Variants in ROCK2 observed in about 807,000 individuals in gnomAD.
ROCK2 encodes rho-associated protein kinase 2.
A neutral mutation model predicts 195.1 loss-of-function variants in ROCK2; 61 were observed. The observed-to-expected ratio is 0.31, with a 90% CI of 0.25 to 0.39. The LOEUF (loss-of-function observed/expected upper bound fraction) is 0.39. ROCK2 is among the 10% of genes least tolerant of loss of function. The probability of loss-of-function intolerance (pLI) is 1.00; values close to 1 mark genes in which losing one functional copy is unlikely to be tolerated. For synonymous variants in ROCK2, 504 were observed against 545.5 expected, an observed-to-expected ratio of 0.92 and a Z score of 1.06; for missense variants, 1,109 against 1,637.4, an observed-to-expected ratio of 0.68 and a Z score of 5.57.
At chr2:11,281,286 C>T (rs1282575017) in intron 3 of ROCK2, among the ~76,000 whole-genome samples, 1 of 148,840 alleles carries the variant, frequency 6.7e-6, no homozygotes, top group East Asian at 2.0e-4. Context: ...AAAAAATCCA[C>T]AGCTCACTTC....
At chr2:11,208,577 C>A in intron 18 of ROCK2, 130 bp from the exon 19 acceptor site, 4 of 429,058 alleles carry the variant, frequency 9.3e-6, no homozygotes, top group Non-Finnish European at 1.6e-5. Flanking sequence ...GCCTTATATT[C>A]TATTAATTTT....
intron 3 of ROCK2, among the ~76,000 whole-genome samples, chr2:11,265,711 T>C (rs963998771): frequency 1.3e-5 from 2 of 152,202 alleles, no homozygotes; most frequent in Non-Finnish European, 2.9e-5. Flanking sequence ...TGCATTCATA[T>C]ATTAAATTCC....
intron 4 of ROCK2, among the ~76,000 whole-genome samples, chr2:11,242,131 T>TG (rs921292913): frequency 2.9e-4 from 44 of 152,280 alleles, no homozygotes; most frequent in Admixed American, 5.2e-4. Flanking sequence ...AAATTTCTGT[T>TG]GTTTATAAGC....
At position 11,192,572 on chromosome 2, in the gene ROCK2, A is replaced by T. The variant is rs1183287606; in HGVS notation, c.3828T>A (p.Ala1276=). 8.1e-6 allele frequency: 13 copies of T among 1,613,996 alleles called. No individual in the cohort carries two copies. Among genetic ancestry groups the T allele is most frequent in the Non-Finnish European group, 1.1e-5 (13 of 1,180,010 alleles). Residue 1276 remains alanine, a synonymous_variant, in exon 31 of 33, where the codon GCT becomes GCA. Coordinates refer to ENST00000315872, the MANE Select transcript of ROCK2 (RefSeq NM_004850.5). This position sits in a 1 kb window ranked among gnomAD's most constrained non-coding sequence, Gnocchi z 5.0. ...ACATGTGCCACAGGGGCTTCATACA[A>T]GCCTCACAGTTGGTTGGGAAATGAT... is the stretch of plus-strand genomic sequence containing the variant. ...TLYHFPTNCE[A]CMKPLWHMFK... is the part of the protein sequence containing the mutation.
intron 28 of ROCK2, among the ~76,000 whole-genome samples, chr2:11,194,562 A>C (rs921430781): frequency 3.9e-5 from 6 of 152,052 alleles, no homozygotes; most frequent in Non-Finnish European, 7.4e-5. Context: ...GGGGAGAAGT[A>C]AAGTCAAATT....
At chr2:11,326,828 A>G (rs1355155835) in intron 1 of ROCK2, among the ~76,000 whole-genome samples, 1 of 152,208 alleles carries the variant, frequency 6.6e-6, no homozygotes, top group East Asian at 1.9e-4. Flanking sequence ...AACAAATGCT[A>G]CGGAGGAGAT....
intron 4 of ROCK2, among the ~76,000 whole-genome samples, chr2:11,238,245 T>TGTGTG (rs11377542): frequency 1.8e-4 from 7 of 38,434 alleles, no homozygotes; most frequent in African/African-American, 3.6e-4. Flanking sequence ...TGTGTGTCTG[T>TGTGTG]TGTGTGTGTC....
intron 4 of ROCK2, among the ~76,000 whole-genome samples, chr2:11,242,763 T>C (rs914390193): frequency 2.6e-5 from 4 of 152,212 alleles, no homozygotes; most frequent in African/African-American, 9.6e-5. Flanking sequence ...CATTTTGTTA[T>C]CATGCCATGT....
chr2:11,227,437 G>A, intron 5 of ROCK2, 39 bp from the exon 6 acceptor site: 1 of 1,570,960 alleles, frequency 6.4e-7, no homozygotes, highest in East Asian at 2.3e-5. Flanking sequence ...ACAGTTCAGT[G>A]TAAAAACACA....
chr2:11,253,249 G>A (rs1025294864), intron 3 of ROCK2, among the ~76,000 whole-genome samples: 7 of 152,058 alleles, frequency 4.6e-5, no homozygotes, highest in Non-Finnish European at 1.0e-4. Context: ...CCACCTTCCC[G>A]ACTTAAATCT....
chr2:11,323,012 A>T (rs1164326376), intron 1 of ROCK2, among the ~76,000 whole-genome samples: 1 of 152,026 alleles, frequency 6.6e-6, no homozygotes, highest in Non-Finnish European at 1.5e-5. Context: ...AGTGAAGAAG[A>T]TTAACCTGAA....
chr2:11,276,036 G>A (rs1284492830), intron 3 of ROCK2, among the ~76,000 whole-genome samples: 1 of 151,984 alleles, frequency 6.6e-6, no homozygotes, highest in Non-Finnish European at 1.5e-5. Flanking sequence ...AGAAAACACT[G>A]AACAAACCAG....
intron 3 of ROCK2, among the ~76,000 whole-genome samples, chr2:11,268,466 CTGTGTGTGTGTGTTTTTTTCCT>C (rs1666497696): frequency 8.7e-6 from 1 of 114,334 alleles, no homozygotes; most frequent in African/African-American, 2.7e-5. Flanking sequence ...AACAGTTTTA[CTGTGTGTGTGTGTTTTTTTCCT>C]TGTGTGTGTG....
chr2:11,322,479 T>C (rs1035957197), intron 1 of ROCK2, among the ~76,000 whole-genome samples: 2 of 151,846 alleles, frequency 1.3e-5, no homozygotes, highest in African/African-American at 4.8e-5. Context: ...GTCGCATTCA[T>C]GTCATGAATG....
chr2:11,181,483 C>A lies in ROCK2; in HGVS notation c.*1954G>T, dbSNP rs1220121901. 3 of 151,900 alleles carry A rather than the reference C, an allele frequency of 2.0e-5. No individual in the cohort carries two copies. Among genetic ancestry groups the A allele is most frequent in the African/African-American group, 7.3e-5 (3 of 41,372 alleles). 9.4% of individuals were successfully genotyped at this position (151,900 alleles called of 1,614,324 possible). A position where few individuals can be genotyped will look rare whatever the true frequency, so the allele number is the denominator to read the frequency against. On this transcript the variant is annotated 3_prime_UTR_variant, in exon 33 of 33. Coordinates refer to ENST00000315872, the MANE Select transcript of ROCK2 (RefSeq NM_004850.5). ...CTGGAGAACGTTAAGAATAACAAAACCAGTTTCAGTCTATCAGTAGGCCAG... is the reference window on the plus strand; with the variant it reads ...CTGGAGAACGTTAAGAATAACAAAAACAGTTTCAGTCTATCAGTAGGCCAG...
intron 9 of ROCK2, among the ~76,000 whole-genome samples, chr2:11,219,973 G>A (rs1664575814): frequency 6.6e-6 from 1 of 150,986 alleles, no homozygotes; most frequent in African/African-American, 2.4e-5. Context: ...CAGCCTCTGA[G>A]TACCTGGGAT....
chr2:11,248,708 C>CAAAAAAAAA lies in ROCK2; in HGVS notation c.462+944_462+952dup, dbSNP rs70953372. Among the ~76,000 whole-genome samples the CAAAAAAAAA allele has an allele frequency of 5.9e-3, 269 of 45,416 alleles. 3 individuals are homozygous for CAAAAAAAAA. Among genetic ancestry groups the CAAAAAAAAA allele is most frequent in the Non-Finnish European group, 6.4e-3 (190 of 29,726 alleles). 29.8% of individuals were successfully genotyped at this position (45,416 alleles called of 152,430 possible). ...TGAGCAACAGAGCAAGACTTCATCT[C>CAAAAAAAAA]AAAAAAAAAAAAAAAAAAAAAAAAA... On this transcript the variant is annotated intron_variant, in intron 4 of 32. Coordinates refer to ENST00000315872, the MANE Select transcript of ROCK2 (RefSeq NM_004850.5).
chr2:11,252,047 C>T (rs2148130686), intron 3 of ROCK2, among the ~76,000 whole-genome samples: 1 of 152,150 alleles, frequency 6.6e-6, no homozygotes, highest in Admixed American at 6.5e-5. Context: ...AATAGAACAC[C>T]TTTATGCTGT....
chr2:11,207,705 C>A, intron 20 of ROCK2, 21 bp downstream of exon 20: 3 of 1,575,022 alleles, frequency 1.9e-6, no homozygotes, highest in Non-Finnish European at 2.6e-6. Context: ...CATATTAAAA[C>A]ATCTCAATCA....
Sources: gnomAD v4.1 joint callset for allele counts (sites outside exome capture counted in the v4.1 genomes callset) on GRCh38, gnomAD v4.1.1 for gene constraint, Gnocchi (gnomAD v3.1) non-coding constraint, MANE v1.5 for transcripts, NCBI Gene and HGNC (gene_info 2026-07-23, HGNC 2026-07-21) for gene names.